PLEKHG4B: variants seen among roughly 807,000 people sequenced by gnomAD.
PLEKHG4B encodes the protein pleckstrin homology and RhoGEF domain containing G4B, also known as pleckstrin homology domain-containing family G member 4B.
Under a neutral mutation model 121.3 loss-of-function variants are expected in PLEKHG4B, and 111 were observed. The observed-to-expected ratio is 0.92, with a 90% confidence interval of 0.78 to 1.07. The LOEUF (loss-of-function observed/expected upper bound fraction) is 1.07, where lower values mean the gene tolerates loss of function less well. Among genes scored for constraint, PLEKHG4B ranks in the 50% least tolerant of loss-of-function variants. PLEKHG4B has a pLI of 0.00. For missense variants in PLEKHG4B, 1,831 were observed against 1,757.8 expected (o/e 1.04, Z -0.74); for synonymous variants, 738 against 725.0 (o/e 1.02, Z -0.29).
At position 139,345 on chromosome 5, in the gene PLEKHG4B, G is replaced by GTC; in HGVS notation, c.244-138_244-137insTC. The GTC allele has an allele frequency of 5.0e-6, 2 of 398,150 alleles. No individual in the cohort carries two copies. Among genetic ancestry groups the GTC allele is most frequent in the East Asian group, 7.1e-5 (2 of 28,086 alleles). The allele number at this position is 398,150 out of a possible 1,614,324, so 24.7% of individuals were successfully genotyped here. The stretch of plus-strand genomic sequence containing the variant: ...ACCTGCTTTATGTTCCAAGGAACAG[G>GTC]ACACCCCAGCCCCCGTGAGACCCCT... On this transcript the variant is annotated intron_variant, in intron 2 of 19. Transcript: ENST00000637938. This position sits in a 1 kb window ranked among gnomAD's most constrained non-coding sequence, Gnocchi z 5.0.
chr5:132,883 T>A (rs1734819868), intron 2 of PLEKHG4B, among the ~76,000 whole-genome samples: 1 of 152,196 alleles, frequency 6.6e-6, no homozygotes, highest in Non-Finnish European at 1.5e-5. Flanking sequence ...TGGGGTCTTT[T>A]TTGGTTCCAT....
At chr5:131,434 A>G (rs183359303) in intron 2 of PLEKHG4B, among the ~76,000 whole-genome samples, 1 of 152,302 alleles carries the variant, frequency 6.6e-6, no homozygotes, top group Admixed American at 6.5e-5. Context: ...TGCAAAGGAC[A>G]TGAACTCATG....
rs970414836 is a variant in PLEKHG4B at position 183,841 on chromosome 5, G to A, written c.*1518G>A. On this transcript the variant is annotated 3_prime_UTR_variant, in exon 20 of 20. Coordinates refer to ENST00000637938, the MANE Select transcript of PLEKHG4B (RefSeq NM_052909.5). The stretch of plus-strand genomic sequence containing the variant: ...ATTGACAGTGGAAACTATCCTGGAT[G>A]GGGTAACAGATTGGATTTCACAGAA... 30 of 152,196 alleles carry A rather than the reference G, an allele frequency of 2.0e-4. No homozygotes were observed. Among genetic ancestry groups the A allele is most frequent in the African/African-American group, 7.0e-4 (29 of 41,434 alleles). 9.4% of individuals were successfully genotyped at this position (152,196 alleles called of 1,614,324 possible).
chr5:100,234 C>T (rs1733764720), intron 1 of PLEKHG4B, among the ~76,000 whole-genome samples: 1 of 152,268 alleles, frequency 6.6e-6, no homozygotes, highest in South Asian at 2.1e-4. Context: ...GAAATGACCT[C>T]TTTGAGAAAC....
intron 1 of PLEKHG4B, among the ~76,000 whole-genome samples, chr5:104,538 G>A (rs1344381396): frequency 6.6e-6 from 1 of 152,134 alleles, no homozygotes; most frequent in Non-Finnish European, 1.5e-5. Flanking sequence ...AATTTAAAGT[G>A]GTATTAAAAT....
intron 16 of PLEKHG4B, among the ~76,000 whole-genome samples, chr5:171,992 G>T (rs1736569477): frequency 6.6e-6 from 1 of 152,210 alleles, no homozygotes; most frequent in Admixed American, 6.5e-5. Context: ...AACCCCAGAT[G>T]CCCAAAAGGC....
rs1733715000 is a variant in PLEKHG4B, at chr5:189,107, A to C, written c.*6784A>C. The C allele has an allele frequency of 6.6e-6, 1 of 152,376 alleles. No homozygotes were observed. Among genetic ancestry groups the C allele is most frequent in the Non-Finnish European group, 1.5e-5 (1 of 68,130 alleles). 9.4% of individuals were successfully genotyped at this position (152,376 alleles called of 1,614,324 possible). A position where few individuals can be genotyped will look rare whatever the true frequency, so the allele number is the denominator to read the frequency against. On this transcript the variant is annotated 3_prime_UTR_variant, in exon 20 of 20. Coordinates refer to ENST00000637938, the MANE Select transcript of PLEKHG4B (RefSeq NM_052909.5). ...GTCAGCATTGCCGTTCGGGGCCTGC[A>C]GTCGCCCATAATGGGCCCTGCCCCC...
Position 163,080 on chromosome 5 carries a change from G to A in PLEKHG4B, c.3008G>A (p.Trp1003Ter). The A allele has an allele frequency of 6.4e-7, 1 of 1,563,474 alleles. No individual in the cohort carries two copies. The highest frequency in any genetic ancestry group is 1.2e-5 in the South Asian group (1 of 85,558). ...AGCACGGACAGTGGGGGTGGTGCCTGGGAACCTGCGCAACCACTGTCCGGC... is the reference window on the plus strand; with the variant it reads ...AGCACGGACAGTGGGGGTGGTGCCTAGGAACCTGCGCAACCACTGTCCGGC... ...FPSTDSGGGA[W>*]EPAQPLSGLP... is the part of the protein sequence containing the mutation. The change falls in exon 13 of 20, where the codon TGG (tryptophan) becomes TAG (stop). Residue 1003 changes from tryptophan to a stop codon, truncating the protein, a stop_gained. Coordinates refer to ENST00000637938, the MANE Select transcript of PLEKHG4B (RefSeq NM_052909.5). LOFTEE classifies it high-confidence loss of function.
At position 161,921 on chromosome 5, in the gene PLEKHG4B, C is replaced by G. The variant is rs372619983; in HGVS notation, c.2626C>G (p.Arg876Gly). 2 of 1,612,540 alleles carry G rather than the reference C, an allele frequency of 1.2e-6. No homozygotes were observed. The highest frequency in any genetic ancestry group is 1.7e-5 in the Admixed American group (1 of 59,996). The part of the protein sequence containing the change: ...CREGELARWT[R>G]SSELCETVSS... ...GGAGGGAGAGCTGGCCAGGTGGACC[C>G]GCTCGTCCGAGTTGTGCGAGACGGT... Residue 876 changes from arginine to glycine, a missense_variant, in exon 12 of 20, where the codon CGC (arginine) becomes GGC (glycine). Arg to Gly is a moderately radical substitution (Grantham distance 125, BLOSUM62 -2). Transcript: ENST00000637938.
intron 3 of PLEKHG4B, among the ~76,000 whole-genome samples, chr5:141,977 CAG>C (rs1344968173): frequency 1.3e-5 from 2 of 152,224 alleles, no homozygotes; most frequent in East Asian, 1.9e-4. Flanking sequence ...CCCTTGGAAA[CAG>C]AAGTGTGGCC....
chr5:93,578 G>A (rs1733533899), intron 1 of PLEKHG4B, among the ~76,000 whole-genome samples: 2 of 152,140 alleles, frequency 1.3e-5, no homozygotes. Context: ...ATGTGGCCTG[G>A]GCTGGGAGCA....
intron 13 of PLEKHG4B, among the ~76,000 whole-genome samples, chr5:166,634 C>T (rs1179087622): frequency 6.6e-6 from 1 of 151,632 alleles, no homozygotes; most frequent in African/African-American, 2.4e-5. Flanking sequence ...TCGCCTGCCA[C>T]TCACCTCCTG....
chr5:142,848 C>T (rs1035387326), intron 3 of PLEKHG4B, among the ~76,000 whole-genome samples, 199 bp from the exon 4 acceptor site: 1 of 152,034 alleles, frequency 6.6e-6, no homozygotes, highest in East Asian at 1.9e-4. Context: ...GTGATGACGC[C>T]GCGTGTCCGT....
In PLEKHG4B at chr5:159,501, C is replaced by A. The variant is rs1473327930; in HGVS notation, c.2488-2282C>A. Among the ~76,000 whole-genome samples, 1 of 152,106 alleles carries A rather than the reference C, an allele frequency of 6.6e-6. No individual in the cohort carries two copies. The highest frequency in any genetic ancestry group is 1.5e-5 in the Non-Finnish European group (1 of 68,014). On this transcript the variant is annotated intron_variant, in intron 11 of 19. Coordinates refer to ENST00000637938, the MANE Select transcript of PLEKHG4B (RefSeq NM_052909.5). This position sits in a 1 kb window ranked among gnomAD's most constrained non-coding sequence, Gnocchi z 5.5. ...TAAGGTAGATTTTTCTCAGCTTTAC[C>A]CTCTAACTCTATTATTGAGTTTTTT...
At chr5:148,196 C>T (rs895559747) in intron 6 of PLEKHG4B, among the ~76,000 whole-genome samples, 3 of 151,304 alleles carry the variant, frequency 2.0e-5, no homozygotes, top group African/African-American at 7.3e-5. Flanking sequence ...TTCTATTCAA[C>T]ATATTACTGG....
At chr5:93,836 C>G (rs1733546321) in intron 1 of PLEKHG4B, among the ~76,000 whole-genome samples, 1 of 152,132 alleles carries the variant, frequency 6.6e-6, no homozygotes, top group Non-Finnish European at 1.5e-5. Flanking sequence ...TAATTTGCCC[C>G]AAGGCTCCCT....
Position 181,670 on chromosome 5 carries a change from G to T in PLEKHG4B, c.4559G>T (p.Gly1520Val), listed in dbSNP as rs776969080. 6 of 1,612,710 alleles carry T rather than the reference G, an allele frequency of 3.7e-6. No homozygotes were observed. The Admixed American group carries it at 6.7e-5, about 18-fold the overall frequency. The change falls in exon 19 of 20, where the codon GGC (glycine) becomes GTC (valine). Residue 1520 changes from glycine (G) to valine (V), a missense_variant. Transcript: ENST00000637938. ...SDRVPDSIVK[G>V]TESQMRGSTA... ...CGAGTCCCCGACAGCATCGTCAAGG[G>T]CACAGGTACGGTGGCTCGGTCCCGC... is the stretch of plus-strand genomic sequence containing the variant.
chr5:99,774 G>A, intron 1 of PLEKHG4B, among the ~76,000 whole-genome samples: 1 of 152,064 alleles, frequency 6.6e-6, no homozygotes, highest in East Asian at 1.9e-4. Context: ...GTTGAATAGA[G>A]GTGTAGAAAG....
Position 173,929 on chromosome 5 carries a change from C to A in PLEKHG4B, c.4233C>A (p.Ile1411=), listed in dbSNP as rs992417601. Residue 1411 remains isoleucine, a synonymous_variant, in exon 18 of 20, where the codon ATC becomes ATA. Transcript: ENST00000637938. ...LYKQSFKTAE[I]GMTENVGDSG... is the part of the protein sequence containing the mutation. ...TTTGCTGACTGCAGACGGCCGAGAT[C>A]GGGATGACAGAGAACGTCGGGGACA... The A allele has an allele frequency of 1.2e-6, 2 of 1,613,292 alleles. No homozygotes were observed. The highest frequency in any genetic ancestry group is 1.7e-6 in the Non-Finnish European group (2 of 1,179,782).
Sources: allele counts gnomAD v4.1 joint callset (sites outside exome capture counted in the v4.1 genomes callset), GRCh38; gene constraint gnomAD v4.1.1; non-coding constraint Gnocchi (gnomAD v3.1); transcripts MANE v1.5; gene names NCBI Gene and HGNC (gene_info 2026-07-23, HGNC 2026-07-21).